BCAS3: variants seen among roughly 807,000 people sequenced by gnomAD.
BCAS3 encodes the protein BCAS4/BCAS3 fusion.
BCAS3 carries 53 observed loss-of-function variants against 116.1 expected under a neutral mutation model. The ratio of observed to expected loss-of-function variants is 0.46; its 90% CI spans 0.37 to 0.57. BCAS3 has a LOEUF of 0.57. Ranked by LOEUF, BCAS3 falls within the 20% of genes least tolerant of loss-of-function variation. The pLI is 0.00. For missense variants in BCAS3, 917 were observed against 1,165.4 expected (o/e 0.79, Z 3.10); for synonymous variants, 391 against 408.2 (o/e 0.96, Z 0.51).
intron 6 of BCAS3, among the ~76,000 whole-genome samples, chr17:60,751,351 C>G (rs1015614194): frequency 5.9e-5 from 9 of 152,126 alleles, no homozygotes; most frequent in Non-Finnish European, 1.2e-4. Flanking sequence ...AATTATCTTT[C>G]AAATCTGTCC....
intron 22 of BCAS3, among the ~76,000 whole-genome samples, chr17:61,223,151 C>CTTTTTTTTTT (rs34499099): frequency 2.5e-5 from 2 of 79,064 alleles, no homozygotes; most frequent in Non-Finnish European, 2.2e-5. Flanking sequence ...GATGCAGCGC[C>CTTTTTTTTTT]TTTTTTTTTT....
In BCAS3 at chr17:61,134,295, A is replaced by G. The variant is rs147234574; in HGVS notation, c.2425+49731A>G. On this transcript the variant is annotated intron_variant, in intron 22 of 23. Transcript: ENST00000407086. This position sits in a 1 kb window ranked among gnomAD's most constrained non-coding sequence, Gnocchi z 4.6. ...GTTGATTTTTTAAAAATCAACTGTTAGGCACTGTGCTCAGACTTTATGAGC... is the reference window on the plus strand; with the variant it reads ...GTTGATTTTTTAAAAATCAACTGTTGGGCACTGTGCTCAGACTTTATGAGC... Among the ~76,000 whole-genome samples the G allele has an allele frequency of 4.1e-3, 618 of 152,342 alleles. 5 individuals carry two copies. The highest frequency in any genetic ancestry group is 0.014 in the African/African-American group (597 of 41,584).
At chr17:60,875,295 G>C (rs1221990325) in intron 9 of BCAS3, among the ~76,000 whole-genome samples, 3 of 152,060 alleles carry the variant, frequency 2.0e-5, no homozygotes, top group African/African-American at 2.4e-5. Context: ...AATATTTGCA[G>C]CTTTTCTGTG....
At chr17:60,985,531 G>A in intron 14 of BCAS3, among the ~76,000 whole-genome samples, 1 of 151,932 alleles carries the variant, frequency 6.6e-6, no homozygotes. Flanking sequence ...CAAATAGTAG[G>A]TCTTATTTAT....
Position 61,347,799 on chromosome 17 carries a change from A to G in BCAS3, c.2426-20528A>G, listed in dbSNP as rs538866061. On this transcript the variant is annotated intron_variant, in intron 22 of 23. Transcript: ENST00000407086. The surrounding 1 kb of genome is among the most constrained non-coding windows in gnomAD (Gnocchi z 4.3). Reference sequence around the variant, plus strand: ...AGTGGTAGACTTTTCCGGCTGACCTAAGTCCTCAAAGATGAATAGGACTTC... The same window carrying G: ...AGTGGTAGACTTTTCCGGCTGACCTGAGTCCTCAAAGATGAATAGGACTTC... Among the ~76,000 whole-genome samples the G allele has an allele frequency of 6.6e-6, 1 of 152,280 alleles. No homozygotes were observed. Among genetic ancestry groups the G allele is most frequent in the African/African-American group, 2.4e-5 (1 of 41,550 alleles).
chr17:61,363,544 T>A lies in BCAS3; in HGVS notation c.2426-4783T>A, dbSNP rs2058567030. On this transcript the variant is annotated intron_variant, in intron 22 of 23. Coordinates refer to ENST00000407086, the MANE Select transcript of BCAS3 (RefSeq NM_017679.5). This position sits in a 1 kb window ranked among gnomAD's most constrained non-coding sequence, Gnocchi z 4.9. ...CTTCCCATAGTTTGGTGAAGTCACA[T>A]AAGCTCCTCTTTTTTTTTTTTTTTT... is the stretch of plus-strand genomic sequence containing the variant. Among the ~76,000 whole-genome samples the A allele has an allele frequency of 6.6e-6, 1 of 150,828 alleles. No homozygotes were observed. The highest frequency in any genetic ancestry group is 2.5e-5 in the African/African-American group (1 of 40,808).
chr17:61,283,052 G>A (rs1028248749), intron 22 of BCAS3, among the ~76,000 whole-genome samples: 5 of 151,526 alleles, frequency 3.3e-5, no homozygotes, highest in Admixed American at 2.0e-4. Context: ...CTATGATGTC[G>A]TGATGTTGTA....
rs2047560998 is a variant in BCAS3 at position 61,241,995 on chromosome 17, G to A, written c.2426-126332G>A. Among the ~76,000 whole-genome samples the A allele has an allele frequency of 6.6e-6, 1 of 152,038 alleles. No individual in the cohort carries two copies. ...ATCCAAGGTAAAGAATCCAAACATT[G>A]GCTGGGTGTGGTGGCTCACACCTGT... On this transcript the variant is annotated intron_variant, in intron 22 of 23. Coordinates refer to ENST00000407086, the MANE Select transcript of BCAS3 (RefSeq NM_017679.5). This position sits in a 1 kb window ranked among gnomAD's most constrained non-coding sequence, Gnocchi z 4.6.
intron 19 of BCAS3, chr17:61,070,468 T>C: frequency 5.5e-6 from 1 of 181,328 alleles, no homozygotes; most frequent in Non-Finnish European, 1.1e-5. Flanking sequence ...TTTTTTGTTA[T>C]TCACATGAGA....
At chr17:60,805,808 CAG>C (rs2144613551) in intron 6 of BCAS3, among the ~76,000 whole-genome samples, 1 of 148,536 alleles carries the variant, frequency 6.7e-6, no homozygotes, top group South Asian at 2.1e-4. Context: ...GCCTGGGTGA[CAG>C]AGTGAGACTC....
Position 61,055,244 on chromosome 17 carries a change from ATGAC to A in BCAS3, c.2029+14359_2029+14362del, listed in dbSNP as rs143304966. On this transcript the variant is annotated intron_variant, in intron 19 of 23. Transcript: ENST00000407086. ...CATCACTACGGTTAATTGCTAATAA[ATGAC>A]TGACTGGGAATTTAGGAGGAATGCT... is the stretch of plus-strand genomic sequence containing the variant. 3.5e-4 allele frequency among the ~76,000 whole-genome samples: 54 copies of A among 152,356 alleles called. 1 individual carries two copies. The East Asian group carries it at 5.8e-3, about 16-fold the overall frequency.
chr17:60,923,170 T>C (rs955713728), intron 12 of BCAS3, among the ~76,000 whole-genome samples: 1 of 152,178 alleles, frequency 6.6e-6, no homozygotes, highest in Non-Finnish European at 1.5e-5. Flanking sequence ...ATATAATCAA[T>C]GTATTTGTAG....
chr17:60,903,595 A>G (rs2058034853), intron 11 of BCAS3, among the ~76,000 whole-genome samples: 1 of 152,176 alleles, frequency 6.6e-6, no homozygotes, highest in Non-Finnish European at 1.5e-5. Flanking sequence ...CTACGGGCGC[A>G]TGCCGCCACG....
intron 5 of BCAS3, among the ~76,000 whole-genome samples, chr17:60,736,332 T>TA (rs1398694274): frequency 6.6e-6 from 1 of 152,012 alleles, no homozygotes; most frequent in Non-Finnish European, 1.5e-5. Flanking sequence ...TACAGGCGTG[T>TA]ACCACCATGC....
At position 61,077,623 on chromosome 17, in the gene BCAS3, C is replaced by T. The variant is rs961071586; in HGVS notation, c.2131-710C>T. ...GCATTTTGGTATTACTGTTTTGTAG[C>T]ACATCAAATGCCTGTGTCGATATTT... On this transcript the variant is annotated intron_variant, in intron 20 of 23. Coordinates refer to ENST00000407086, the MANE Select transcript of BCAS3 (RefSeq NM_017679.5). This position sits in a 1 kb window ranked among gnomAD's most constrained non-coding sequence, Gnocchi z 4.3. Among the ~76,000 whole-genome samples the T allele has an allele frequency of 1.3e-5, 2 of 152,180 alleles. No individual in the cohort carries two copies. The highest frequency in any genetic ancestry group is 2.9e-5 in the Non-Finnish European group (2 of 68,026).
In BCAS3 at chr17:60,709,323, C is replaced by T. The variant is rs767397116; in HGVS notation, c.319C>T (p.Pro107Ser). The change falls in exon 5 of 24, where the codon CCT becomes TCT. Residue 107 changes from proline (P) to serine (S), a missense_variant and splice_region_variant. Coordinates refer to ENST00000407086, the MANE Select transcript of BCAS3 (RefSeq NM_017679.5). ...YSDGMQVWSI[P>S]ISGEAQELFS... is the part of the protein sequence containing the mutation. ...TGATGGAATGCAGGTCTGGAGCATC[C>T]CTGTAAGTACACATGTGGTTGAATA... 5 of 1,558,170 alleles carry T rather than the reference C, an allele frequency of 3.2e-6. No homozygotes were observed.
intron 5 of BCAS3, among the ~76,000 whole-genome samples, chr17:60,730,392 T>C (rs967293911): frequency 1.3e-5 from 2 of 152,244 alleles, no homozygotes; most frequent in Non-Finnish European, 1.5e-5. Context: ...ACCGGGTTGC[T>C]GTTTTCTTTA....
In BCAS3 at chr17:61,208,765, C is replaced by T. The variant is rs974402780; in HGVS notation, c.2425+124201C>T. ...TTTTCCTGTTTAAAATACAGCTGCC[C>T]CTGCAGTAGAGCCCTTGTCAGCTCG... On this transcript the variant is annotated intron_variant, in intron 22 of 23. Transcript: ENST00000407086. This position sits in a 1 kb window ranked among gnomAD's most constrained non-coding sequence, Gnocchi z 4.5. 6.6e-6 allele frequency among the ~76,000 whole-genome samples: 1 copy of T among 152,056 alleles called. No individual in the cohort carries two copies. Among genetic ancestry groups the T allele is most frequent in the South Asian group, 2.1e-4 (1 of 4,814 alleles).
intron 22 of BCAS3, among the ~76,000 whole-genome samples, chr17:61,284,572 A>T (rs1348875950): frequency 6.6e-6 from 1 of 152,072 alleles, no homozygotes; most frequent in Non-Finnish European, 1.5e-5. Context: ...AATTCCAGAC[A>T]CAATCTGAAG....
Sources: gnomAD v4.1 joint callset for allele counts (sites outside exome capture counted in the v4.1 genomes callset) on GRCh38, gnomAD v4.1.1 for gene constraint, Gnocchi (gnomAD v3.1) non-coding constraint, MANE v1.5 for transcripts, NCBI Gene and HGNC (gene_info 2026-07-23, HGNC 2026-07-21) for gene names.